Variants in NDST1 observed in about 807,000 individuals in gnomAD.
The protein encoded by NDST1 is N-deacetylase and N-sulfotransferase 1.
In NDST1, 35 loss-of-function variants were observed where a neutral mutation model predicts 92.8. The ratio of observed to expected loss-of-function variants is 0.38; its 90% confidence interval spans 0.29 to 0.50. The LOEUF (loss-of-function observed/expected upper bound fraction) is 0.50, where lower values mean the gene tolerates loss of function less well. Ranked by LOEUF, NDST1 falls within the 20% of genes least tolerant of loss-of-function variation. The pLI is 0.94. For missense variants in NDST1, 822 were observed against 1,182.7 expected, an observed-to-expected ratio of 0.69 and a Z score of 4.47; for synonymous variants, 493 against 500.3, an observed-to-expected ratio of 0.99 and a Z score of 0.19.
chr5:150,544,150 T>G (rs1292787298), intron 10 of NDST1, among the ~76,000 whole-genome samples: 1 of 152,242 alleles, frequency 6.6e-6, no homozygotes, highest in Non-Finnish European at 1.5e-5. Context: ...TTATTGGAAG[T>G]CAACATTTTT....
chr5:150,521,140 C>G lies in NDST1; in HGVS notation c.-115C>G. ...CAGTGCCCCACAAGGGCGTCGCTTCCTAAGTCTCTGTGAATTTGTTGGTCA... is the reference window on the plus strand; with the variant it reads ...CAGTGCCCCACAAGGGCGTCGCTTCGTAAGTCTCTGTGAATTTGTTGGTCA... On this transcript the variant is annotated 5_prime_UTR_variant, in exon 2 of 15. Coordinates refer to ENST00000261797, the MANE Select transcript of NDST1 (RefSeq NM_001543.5). This position sits in a 1 kb window ranked among gnomAD's most constrained non-coding sequence, Gnocchi z 5.9. The G allele has an allele frequency of 1.0e-6, 1 of 986,928 alleles. No individual in the cohort carries two copies. The highest frequency in any genetic ancestry group is 1.6e-5 in the South Asian group (1 of 64,024). The allele number at this position is 986,928 out of a possible 1,614,324, so 61.1% of individuals were successfully genotyped here.
chr5:150,510,835 C>T (rs1753688485), intron 1 of NDST1, among the ~76,000 whole-genome samples: 1 of 152,228 alleles, frequency 6.6e-6, no homozygotes, highest in African/African-American at 2.4e-5. Flanking sequence ...AGAAAGATCA[C>T]TAGAGGCTGC....
In NDST1 at chr5:150,516,329, A is replaced by G. The variant is rs1464445343; in HGVS notation, c.-387-4539A>G. On this transcript the variant is annotated intron_variant, in intron 1 of 14. Transcript: ENST00000261797. ...CTTCGTGAGCTAAGCTGTGATCCAC[A>G]TCGTGAGGGATTGTCATAAGTATGT... 3.9e-5 allele frequency among the ~76,000 whole-genome samples: 6 copies of G among 152,250 alleles called. No homozygotes were observed. In the East Asian group the frequency reaches 1.2e-3, roughly 29 times the overall value.
chr5:150,526,530 C>T (rs1376523728), intron 2 of NDST1, among the ~76,000 whole-genome samples: 3 of 152,156 alleles, frequency 2.0e-5, no homozygotes, highest in African/African-American at 7.2e-5. Context: ...TGTGTTCCTG[C>T]TGGGTATCAA....
upstream of NDST1, among the ~76,000 whole-genome samples, chr5:150,504,242 A>T (rs1160935712): frequency 6.6e-6 from 1 of 152,082 alleles, no homozygotes; most frequent in African/African-American, 2.4e-5. Context: ...GGCATTGCTT[A>T]TTTTCCCAGG....
chr5:150,532,629 C>T (rs1293871348), intron 3 of NDST1, among the ~76,000 whole-genome samples: 4 of 152,100 alleles, frequency 2.6e-5, no homozygotes, highest in African/African-American at 9.7e-5. Flanking sequence ...CGGGTTCAAG[C>T]GATTCTCCTG....
At chr5:150,538,610 G>A (rs147014756) in intron 6 of NDST1, among the ~76,000 whole-genome samples, 9 of 152,314 alleles carry the variant, frequency 5.9e-5, no homozygotes, top group African/African-American at 1.9e-4. Flanking sequence ...GGAAGGATGA[G>A]TTGTCATCAG....
chr5:150,511,325 T>A (rs1480016549), intron 1 of NDST1, among the ~76,000 whole-genome samples: 3 of 152,190 alleles, frequency 2.0e-5, no homozygotes, highest in African/African-American at 7.2e-5. Flanking sequence ...TGGAAAGCTT[T>A]CAGTGAAGTT....
At chr5:150,551,018 A>G (rs1755701246) in intron 13 of NDST1, 1 of 156,572 alleles carries the variant, frequency 6.4e-6, no homozygotes, top group Non-Finnish European at 1.4e-5. Context: ...TACCTATCCT[A>G]TGACCCTTTC....
intron 10 of NDST1, among the ~76,000 whole-genome samples, chr5:150,544,024 C>A (rs572616273): frequency 6.6e-5 from 10 of 152,146 alleles, no homozygotes; most frequent in African/African-American, 2.4e-4. Context: ...GTGATCTGCC[C>A]GCCTCGGCCT....
At chr5:150,545,268 C>T in intron 10 of NDST1, 44 bp from the exon 11 acceptor site, 1 of 1,610,858 alleles carries the variant, frequency 6.2e-7, no homozygotes, top group African/African-American at 1.3e-5. Flanking sequence ...TAGCCCCCTC[C>T]TCATGAGTTT....
chr5:150,549,774 C>A lies in NDST1; in HGVS notation c.2413C>A (p.His805Asn), dbSNP rs753586471. Residue 805 changes from histidine (H) to asparagine (N), a missense_variant, in exon 13 of 15, where the codon CAC (histidine) becomes AAC (asparagine). Physicochemically the swap from His to Asn is moderately conservative, Grantham distance 68. Coordinates refer to ENST00000261797, the MANE Select transcript of NDST1 (RefSeq NM_001543.5). The part of the protein sequence containing the change: ...FLGVTNTIDY[H>N]KTLAFDPKKG... ...TGGGGTGACCAACACCATTGACTAC[C>A]ACAAAACCTTGGCGTGAGTGTTGCC... The A allele has an allele frequency of 1.9e-6, 3 of 1,609,148 alleles. 1 individual carries two copies. The highest frequency in any genetic ancestry group is 2.6e-6 in the Non-Finnish European group (3 of 1,175,422).
upstream of NDST1, among the ~76,000 whole-genome samples, chr5:150,506,313 A>AT (rs931784226): frequency 2.6e-5 from 4 of 152,132 alleles, no homozygotes; most frequent in Non-Finnish European, 4.4e-5. Context: ...GGGTTTTGCC[A>AT]TGTTGCCCAG....
chr5:150,539,051 C>T (rs2304064), intron 6 of NDST1, among the ~76,000 whole-genome samples, 177 bp from the exon 7 acceptor site: 3,693 of 152,326 alleles, frequency 0.024, 149 homozygotes, highest in East Asian at 0.16. Flanking sequence ...TGGCAAGGGC[C>T]TGTAGTTCAC....
chr5:150,545,447 C>T lies in NDST1; in HGVS notation c.2106C>T (p.Ile702=). 1 of 1,614,266 alleles carries T rather than the reference C, an allele frequency of 6.2e-7. No homozygotes were observed. The highest frequency in any genetic ancestry group is 1.7e-5 in the Admixed American group (1 of 60,032). The change falls in exon 11 of 15, where the codon ATC becomes ATT. Residue 702 remains isoleucine (I), a synonymous_variant. Coordinates refer to ENST00000261797, the MANE Select transcript of NDST1 (RefSeq NM_001543.5). ...TGCCCAAAGCCAAGGTCCTGACCAT[C>T]CTCATCAACCCCGCGGACCGGGCCT... ...ALLPKAKVLT[I]LINPADRAYS...
chr5:150,535,929 C>A, intron 6 of NDST1, 44 bp downstream of exon 6: 1 of 1,586,302 alleles, frequency 6.3e-7, no homozygotes, highest in Non-Finnish European at 8.6e-7. Context: ...GAATGGAGAG[C>A]ACAGTCTGTC....
upstream of NDST1, among the ~76,000 whole-genome samples, chr5:150,507,374 G>A (rs924346107): frequency 2.5e-4 from 38 of 152,256 alleles, no homozygotes; most frequent in African/African-American, 8.7e-4. Flanking sequence ...TTTTCAGCTG[G>A]GTGCTTTTAA....
Position 150,521,213 on chromosome 5 carries a change from G to A in NDST1, c.-42G>A. 6.4e-7 allele frequency: 1 copy of A among 1,571,450 alleles called. No homozygotes were observed. Among genetic ancestry groups the A allele is most frequent in the Non-Finnish European group, 8.6e-7 (1 of 1,160,798 alleles). ...CCTGTGTGGGGCCTTGGGGTAGCCA[G>A]GGCAGGCCGGGCCTCCGGTGGCCAA... On this transcript the variant is annotated 5_prime_UTR_variant, in exon 2 of 15. Transcript: ENST00000261797. The surrounding 1 kb of genome is among the most constrained non-coding windows in gnomAD (Gnocchi z 5.9).
intron 9 of NDST1, 58 bp from the exon 10 acceptor site, chr5:150,542,790 A>G (rs1477627339): frequency 1.4e-5 from 22 of 1,612,236 alleles, no homozygotes; most frequent in Non-Finnish European, 1.9e-5. Context: ...CAGAACCCAG[A>G]CTCTATCTTT....
Sources: gnomAD v4.1 joint callset for allele counts (sites outside exome capture counted in the v4.1 genomes callset) on GRCh38, gnomAD v4.1.1 for gene constraint, Gnocchi (gnomAD v3.1) non-coding constraint, MANE v1.5 for transcripts, NCBI Gene and HGNC (gene_info 2026-07-23, HGNC 2026-07-21) for gene names.